The following SMARCD3 variants were observed in gnomAD, a reference collection of about 807,000 sequenced individuals.
SMARCD3 encodes the protein SWI/SNF-related matrix-associated actin-dependent regulator of chromatin subfamily D member 3.
SMARCD3 carries 14 observed loss-of-function variants against 58.0 expected under a neutral mutation model. The observed-to-expected ratio is 0.24, with a 90% confidence interval of 0.16 to 0.38. The LOEUF (loss-of-function observed/expected upper bound fraction) is 0.38, where lower values mean the gene tolerates loss of function less well. SMARCD3 is among the 10% of genes least tolerant of loss of function. The pLI, the probability that SMARCD3 is intolerant of heterozygous loss-of-function variation, is 1.00. For synonymous variants in SMARCD3, 253 were observed against 253.8 expected, an observed-to-expected ratio of 1.00 and a Z score of 0.03; for missense variants, 408 against 636.9, an observed-to-expected ratio of 0.64 and a Z score of 3.87.
In SMARCD3 at chr7:151,239,861, C is replaced by G. The variant is rs1466577491; in HGVS notation, c.1174-115G>C. 5 of 1,149,702 alleles carry G rather than the reference C, an allele frequency of 4.3e-6. No individual in the cohort carries two copies. Among genetic ancestry groups the G allele is most frequent in the Non-Finnish European group, 6.2e-6 (5 of 802,676 alleles). 71.2% of individuals were successfully genotyped at this position (1,149,702 alleles called of 1,614,324 possible). On this transcript the variant is annotated intron_variant, in intron 10 of 12. Coordinates refer to ENST00000262188, the MANE Select transcript of SMARCD3 (RefSeq NM_001003801.2). This position sits in a 1 kb window ranked among gnomAD's most constrained non-coding sequence, Gnocchi z 7.0. Reference sequence around the variant, plus strand: ...GGGTTTCTTCTGTGAAGGACAACCCCTCAGAGCCCCTGATTTCTCTGAAGT... The same window carrying G: ...GGGTTTCTTCTGTGAAGGACAACCCGTCAGAGCCCCTGATTTCTCTGAAGT...
chr7:151,275,027 T>G (rs1014841598), intron 2 of SMARCD3: 2 of 1,064,072 alleles, frequency 1.9e-6, no homozygotes, highest in Non-Finnish European at 2.9e-6. Flanking sequence ...GGGGGCCATG[T>G]GGTGGGAGCA....
Position 151,240,018 on chromosome 7 carries a change from GACTGCTCATCTGCA to G in SMARCD3, c.1173+80_1173+93del. 3 of 1,128,004 alleles carry G rather than the reference GACTGCTCATCTGCA, an allele frequency of 2.7e-6. No individual in the cohort carries two copies. In the South Asian group the frequency reaches 3.9e-5, roughly 15 times the overall value. The allele number at this position is 1,128,004 out of a possible 1,614,324, so 69.9% of individuals were successfully genotyped here. On this transcript the variant is annotated intron_variant, in intron 10 of 12. Transcript: ENST00000262188. Reference sequence around the variant, plus strand: ...TTTTTTTTTTTTTTAATTTAACCCAGACTGCTCATCTGCAACCACACCCTGGTCTCAGAAAAGTC... The same window carrying G: ...TTTTTTTTTTTTTTAATTTAACCCAGACCACACCCTGGTCTCAGAAAAGTC...
At chr7:151,272,068 G>A (rs1356611686) in intron 2 of SMARCD3, among the ~76,000 whole-genome samples, 13 of 152,230 alleles carry the variant, frequency 8.5e-5, no homozygotes, top group Admixed American at 7.2e-4. Flanking sequence ...TGGCTGGGGA[G>A]TATTGTGTTG....
chr7:151,272,560 G>T (rs1325877258), intron 2 of SMARCD3, among the ~76,000 whole-genome samples: 2 of 152,186 alleles, frequency 1.3e-5, no homozygotes, highest in Non-Finnish European at 1.5e-5. Context: ...TTTGTAAGTT[G>T]CAGTAGGAGG....
chr7:151,251,239 G>C (rs58125572), upstream of SMARCD3, among the ~76,000 whole-genome samples: 91,861 of 151,806 alleles, frequency 0.61, 28,069 homozygotes, highest in East Asian at 0.85. Flanking sequence ...ATACATAAGC[G>C]CTCTCCTGAG....
At chr7:151,259,100 C>T (rs1270217827) in intron 2 of SMARCD3, among the ~76,000 whole-genome samples, 2 of 152,004 alleles carry the variant, frequency 1.3e-5, no homozygotes, top group Non-Finnish European at 2.9e-5. Flanking sequence ...ACTTGTAATC[C>T]CAACACTTTG....
upstream of SMARCD3, among the ~76,000 whole-genome samples, chr7:151,252,711 G>T (rs1245249373): frequency 3.4e-5 from 4 of 119,358 alleles, no homozygotes; most frequent in African/African-American, 1.3e-4. Context: ...CTCTGGTGAC[G>T]GTCAGCAGAG....
chr7:151,272,640 C>T (rs542821441), intron 2 of SMARCD3, among the ~76,000 whole-genome samples: 4 of 152,272 alleles, frequency 2.6e-5, no homozygotes, highest in African/African-American at 7.2e-5. Flanking sequence ...TGCCAAGAAT[C>T]GGTGTCACAG....
intron 2 of SMARCD3, among the ~76,000 whole-genome samples, chr7:151,265,854 TCA>T (rs941835894): frequency 2.2e-4 from 33 of 152,364 alleles, no homozygotes; most frequent in Admixed American, 2.0e-3. Flanking sequence ...TCTCTTTAAG[TCA>T]CAGAGTACTG....
At position 151,242,629 on chromosome 7, in the gene SMARCD3, G is replaced by A. The variant is rs775794954; in HGVS notation, c.457-26C>T. On this transcript the variant is annotated intron_variant, in intron 4 of 12. Coordinates refer to ENST00000262188, the MANE Select transcript of SMARCD3 (RefSeq NM_001003801.2). This position sits in a 1 kb window ranked among gnomAD's most constrained non-coding sequence, Gnocchi z 4.7. ...CTGTAGAAATAGAGTGCAGAACCGG[G>A]CGAATGCTGTGTGCTCCCACCCCGA... is the stretch of plus-strand genomic sequence containing the variant. 2.4e-5 allele frequency: 38 copies of A among 1,612,168 alleles called. No homozygotes were observed. Among genetic ancestry groups the A allele is most frequent in the South Asian group, 1.3e-4 (12 of 91,072 alleles).
chr7:151,245,597 C>T lies in SMARCD3; in HGVS notation c.153G>A (p.Met51Ile), dbSNP rs890467169. The T allele has an allele frequency of 4.3e-5, 50 of 1,171,810 alleles. No individual in the cohort carries two copies. Among genetic ancestry groups the T allele is most frequent in the Admixed American group, 4.3e-5 (1 of 23,466 alleles). The allele number at this position is 1,171,810 out of a possible 1,614,324, so 72.6% of individuals were successfully genotyped here. A position where few individuals can be genotyped will look rare whatever the true frequency, so the allele number is the denominator to read the frequency against. The change falls in exon 2 of 13, where the codon ATG becomes ATA. Residue 51 changes from methionine to isoleucine, a missense_variant. Physicochemically the swap from Met to Ile is conservative, Grantham distance 10. This residue lies in a region of SMARCD3 where 84 missense variants were observed against 81.2 expected (regional missense o/e 1.03). Transcript: ENST00000262188. The surrounding 1 kb of genome is among the most constrained non-coding windows in gnomAD (Gnocchi z 6.2). Reference protein sequence around the residue: ...APMGPPGSPYMGSPAVRPGLA... With the variant: ...APMGPPGSPYIGSPAVRPGLA... ...GGCCGGGTCGCACGGCGGGGCTGCC[C>T]ATGTACGGGGAGCCCGGGGGGCCCA... is the stretch of plus-strand genomic sequence containing the variant.
intron 2 of SMARCD3, among the ~76,000 whole-genome samples, chr7:151,257,343 C>G (rs1231408189): frequency 6.6e-6 from 1 of 152,236 alleles, no homozygotes; most frequent in Non-Finnish European, 1.5e-5. Flanking sequence ...CTGAAATGCT[C>G]CTGGCAGGGC....
intron 2 of SMARCD3, among the ~76,000 whole-genome samples, chr7:151,264,485 C>T (rs1584893345): frequency 1.3e-5 from 2 of 152,110 alleles, no homozygotes; most frequent in Admixed American, 6.5e-5. Flanking sequence ...TAGGCCATCC[C>T]GAAGCCCAGG....
intron 2 of SMARCD3, among the ~76,000 whole-genome samples, chr7:151,265,127 A>G (rs1237658907): frequency 6.6e-6 from 1 of 152,162 alleles, no homozygotes; most frequent in African/African-American, 2.4e-5. Context: ...CCCAAAATTC[A>G]TATGTTGGAG....
rs1170094147 is a variant in SMARCD3, at chr7:151,239,857, AC to A, written c.1174-112del. ...GAGGGGGTTTCTTCTGTGAAGGACA[AC>A]CCCTCAGAGCCCCTGATTTCTCTGA... On this transcript the variant is annotated intron_variant, in intron 10 of 12. Transcript: ENST00000262188. The surrounding 1 kb of genome is among the most constrained non-coding windows in gnomAD (Gnocchi z 7.0). The A allele has an allele frequency of 2.3e-5, 28 of 1,199,968 alleles. No homozygotes were observed. Among genetic ancestry groups the A allele is most frequent in the Non-Finnish European group, 3.1e-5 (26 of 838,190 alleles). 74.3% of individuals were successfully genotyped at this position (1,199,968 alleles called of 1,614,324 possible). A position where few individuals can be genotyped will look rare whatever the true frequency, so the allele number is the denominator to read the frequency against.
intron 9 of SMARCD3, 86 bp from the exon 10 acceptor site, chr7:151,240,333 G>A: frequency 6.2e-7 from 1 of 1,600,948 alleles, no homozygotes; most frequent in Non-Finnish European, 8.6e-7. Flanking sequence ...AACAGGGAGG[G>A]AGAAGAGATG....
chr7:151,239,993 T>C lies in SMARCD3; in HGVS notation c.1173+119A>G, dbSNP rs1208117051. The stretch of plus-strand genomic sequence containing the variant: ...ATTGGCCCAGAGTCTGGTCTCTTTT[T>C]TTTTTTTTTTTTTAATTTAACCCAG... On this transcript the variant is annotated intron_variant, in intron 10 of 12. Transcript: ENST00000262188. This position sits in a 1 kb window ranked among gnomAD's most constrained non-coding sequence, Gnocchi z 7.0. The C allele has an allele frequency of 1.3e-3, 1,376 of 1,078,780 alleles. No individual in the cohort carries two copies. The highest frequency in any genetic ancestry group is 1.5e-3 in the Non-Finnish European group (1,173 of 770,762). 66.8% of individuals were successfully genotyped at this position (1,078,780 alleles called of 1,614,324 possible). A position where few individuals can be genotyped will look rare whatever the true frequency, so the allele number is the denominator to read the frequency against.
chr7:151,261,002 T>A lies in SMARCD3; in HGVS notation c.39+14112A>T, dbSNP rs113275370. Reference sequence around the variant, plus strand: ...GACTTTACTCTGGGGCTCAAATGGCTACAGTGGCACCAAGAAGCCTCATGA... The same window carrying A: ...GACTTTACTCTGGGGCTCAAATGGCAACAGTGGCACCAAGAAGCCTCATGA... On this transcript the variant is annotated intron_variant, in intron 2 of 13. Transcript: ENST00000356800. Among the ~76,000 whole-genome samples, 8 of 152,286 alleles carry A rather than the reference T, an allele frequency of 5.3e-5. 2 individuals carry two copies. The highest frequency in any genetic ancestry group is 1.9e-4 in the African/African-American group (8 of 41,554).
rs201611921 is a variant in SMARCD3, at chr7:151,275,106, G to C, written c.39+8C>G. ...TGCTCCTGGGCTGGCAGGGGAGGAA[G>C]CACCTACCTGTACCACGGTGGGTGG... On this transcript the variant is annotated splice_region_variant and intron_variant, in intron 2 of 13. Coordinates refer to the SMARCD3 transcript ENST00000356800. 773 of 1,610,568 alleles carry C rather than the reference G, an allele frequency of 4.8e-4. 8 individuals are homozygous for C. The South Asian group carries it at 8.0e-3, about 17-fold the overall frequency.
Sources: allele counts gnomAD v4.1 joint callset (sites outside exome capture counted in the v4.1 genomes callset), GRCh38; gene constraint gnomAD v4.1.1; regional missense constraint gnomAD v4.1.1; non-coding constraint Gnocchi (gnomAD v3.1); transcripts MANE v1.5; gene names NCBI Gene and HGNC (gene_info 2026-07-23, HGNC 2026-07-21).